The following LRMDA variants were observed in gnomAD, a reference collection of about 807,000 sequenced individuals.
LRMDA encodes leucine-rich melanocyte differentiation-associated protein.
LRMDA carries 18 observed loss-of-function variants against 29.8 expected under a neutral mutation model. The observed-to-expected ratio is 0.60, with a 90% CI of 0.42 to 0.90. The LOEUF (loss-of-function observed/expected upper bound fraction) is 0.90. Ranked by LOEUF, LRMDA falls within the 40% of genes least tolerant of loss-of-function variation. The pLI, the probability that LRMDA is intolerant of heterozygous loss-of-function variation, is 0.00. For synonymous variants in LRMDA, 125 were observed against 109.4 expected (o/e 1.14, Z -0.89); for missense variants, 273 against 273.9 (o/e 1.00, Z 0.02).
At chr10:75,618,340 A>G (rs1266298058) in intron 2 of LRMDA, among the ~76,000 whole-genome samples, 1 of 142,536 alleles carries the variant, frequency 7.0e-6, no homozygotes, top group Non-Finnish European at 1.5e-5. Flanking sequence ...ATCCTTATGT[A>G]GTTGTCTTTA....
At chr10:75,818,037 G>T (rs191747935) in intron 2 of LRMDA, among the ~76,000 whole-genome samples, 2 of 152,296 alleles carry the variant, frequency 1.3e-5, no homozygotes, top group Admixed American at 6.5e-5. Flanking sequence ...TCCATGAATT[G>T]CAGGTGGACA....
intron 2 of LRMDA, among the ~76,000 whole-genome samples, chr10:76,030,467 AAAG>A (rs2132500863): frequency 6.6e-6 from 1 of 152,322 alleles, no homozygotes; most frequent in African/African-American, 2.4e-5. Context: ...TTTATGGAAA[AAAG>A]AATATCTCTT....
chr10:76,319,201 G>A (rs2758966), intron 5 of LRMDA: 92,503 of 152,180 alleles, frequency 0.61, 31,804 homozygotes, highest in Non-Finnish European at 0.81. Context: ...GAGCCACTGC[G>A]CCCAGCCCAT....
intron 5 of LRMDA, among the ~76,000 whole-genome samples, chr10:76,074,912 A>G (rs1218571976): frequency 6.6e-6 from 1 of 152,156 alleles, no homozygotes; most frequent in African/African-American, 2.4e-5. Flanking sequence ...GAGAGTGAGG[A>G]GTGTCCAGGG....
At position 75,902,016 on chromosome 10, in the gene LRMDA, T is replaced by C. The variant is rs368286511; in HGVS notation, c.132-133992T>C. 3.3e-5 allele frequency among the ~76,000 whole-genome samples: 5 copies of C among 152,108 alleles called. No individual in the cohort carries two copies. The East Asian group carries it at 5.8e-4, about 18-fold the overall frequency. ...ATTAAACTGAAGTACCCCTAACATTTGGGGGGTTCAGTATGAGAGTCCAGA... is the reference window on the plus strand; with the variant it reads ...ATTAAACTGAAGTACCCCTAACATTCGGGGGGTTCAGTATGAGAGTCCAGA... On this transcript the variant is annotated intron_variant, in intron 2 of 6. Transcript: ENST00000611255.
At chr10:75,609,990 A>G (rs1452030729) in intron 2 of LRMDA, among the ~76,000 whole-genome samples, 1 of 152,238 alleles carries the variant, frequency 6.6e-6, no homozygotes, top group Non-Finnish European at 1.5e-5. Context: ...TGGAGTGTAT[A>G]GTATATTCTA....
At chr10:75,792,664 A>G (rs1009306245) in intron 2 of LRMDA, among the ~76,000 whole-genome samples, 1 of 152,216 alleles carries the variant, frequency 6.6e-6, no homozygotes, top group Admixed American at 6.5e-5. Flanking sequence ...TATGCCTCAG[A>G]GCCCACCAGC....
At chr10:75,767,112 A>G (rs1273871840) in intron 2 of LRMDA, among the ~76,000 whole-genome samples, 1 of 152,142 alleles carries the variant, frequency 6.6e-6, no homozygotes, top group Non-Finnish European at 1.5e-5. Flanking sequence ...ATATGTGTGC[A>G]TGTATCTTTA....
chr10:76,474,631 A>T (rs1842649003), intron 6 of LRMDA, among the ~76,000 whole-genome samples: 1 of 151,722 alleles, frequency 6.6e-6, no homozygotes, highest in South Asian at 2.1e-4. Flanking sequence ...CAGAGGCTCA[A>T]CATCATTAGC....
chr10:75,660,083 CTT>C (rs1039268216), intron 2 of LRMDA, among the ~76,000 whole-genome samples: 2 of 152,076 alleles, frequency 1.3e-5, no homozygotes, highest in African/African-American at 4.8e-5. Flanking sequence ...CTCTCTCTCT[CTT>C]TACACACACA....
At chr10:75,616,813 A>C (rs1343251059) in intron 2 of LRMDA, among the ~76,000 whole-genome samples, 1 of 152,198 alleles carries the variant, frequency 6.6e-6, no homozygotes, top group Non-Finnish European at 1.5e-5. Context: ...TCCATAGAGC[A>C]CTTCTTGTAT....
rs75411466 is a variant in LRMDA at position 75,630,998 on chromosome 10, T to C, written c.131+192504T>C. ...CCTCGTCCCTCATGTTTGGTTCACATTCATGGCTATCAATGGCTGTGACTT... is the reference window on the plus strand; with the variant it reads ...CCTCGTCCCTCATGTTTGGTTCACACTCATGGCTATCAATGGCTGTGACTT... On this transcript the variant is annotated intron_variant, in intron 2 of 6. Transcript: ENST00000611255. Among the ~76,000 whole-genome samples, 586 of 152,328 alleles carry C rather than the reference T, an allele frequency of 3.8e-3. 26 individuals carry two copies. The East Asian group carries it at 0.095, about 25-fold the overall frequency.
intron 2 of LRMDA, among the ~76,000 whole-genome samples, chr10:75,694,955 A>G (rs7911113): frequency 0.29 from 44,419 of 152,076 alleles, 7,272 homozygotes; most frequent in African/African-American, 0.45. Context: ...CTAATTCATC[A>G]GCACATTCTT....
intron 2 of LRMDA, among the ~76,000 whole-genome samples, chr10:75,787,328 C>G (rs1260994825): frequency 6.6e-6 from 1 of 152,310 alleles, no homozygotes; most frequent in African/African-American, 2.4e-5. Context: ...AGACGTCAGC[C>G]TGGCGGCATA....
At chr10:76,173,683 C>T (rs1174897350) in intron 5 of LRMDA, among the ~76,000 whole-genome samples, 10 of 151,926 alleles carry the variant, frequency 6.6e-5, no homozygotes, top group Admixed American at 1.3e-4. Context: ...TTTTTTGAGA[C>T]GGAGTCTCAC....
At chr10:75,478,613 A>G (rs763415982) in intron 2 of LRMDA, among the ~76,000 whole-genome samples, 2 of 152,356 alleles carry the variant, frequency 1.3e-5, no homozygotes, top group Non-Finnish European at 2.9e-5. Context: ...TGTCCATTAT[A>G]AAAGGCATTC....
chr10:75,762,789 A>G lies in LRMDA; in HGVS notation c.132-273219A>G, dbSNP rs150375765. On this transcript the variant is annotated intron_variant, in intron 2 of 6. Transcript: ENST00000611255. The stretch of plus-strand genomic sequence containing the variant: ...CCCTCGATAGATGTTAGTTATTATT[A>G]TTTTATTGTTAATTATATGTGGTCT... 2.1e-4 allele frequency among the ~76,000 whole-genome samples: 32 copies of G among 152,292 alleles called. No individual in the cohort carries two copies. The East Asian group carries it at 5.8e-3, about 28-fold the overall frequency.
At chr10:76,505,592 A>G (rs978254596) in intron 6 of LRMDA, among the ~76,000 whole-genome samples, 9 of 151,842 alleles carry the variant, frequency 5.9e-5, no homozygotes, top group Non-Finnish European at 5.9e-5. Context: ...CTCATAGTGA[A>G]TTTTTTCAAT....
intron 5 of LRMDA, among the ~76,000 whole-genome samples, chr10:76,081,256 G>A (rs1849044474): frequency 6.6e-6 from 1 of 152,142 alleles, no homozygotes; most frequent in Non-Finnish European, 1.5e-5. Flanking sequence ...TGGGAGGATT[G>A]TTTGAGCCCA....
Sources: allele counts gnomAD v4.1 joint callset (sites outside exome capture counted in the v4.1 genomes callset), GRCh38; gene constraint gnomAD v4.1.1; transcripts MANE v1.5; gene names NCBI Gene and HGNC (gene_info 2026-07-23, HGNC 2026-07-21).